The following CTNNA3 variants were observed in gnomAD, a reference collection of about 807,000 sequenced individuals.
The protein encoded by CTNNA3 is catenin alpha-3.
Under a neutral mutation model 95.7 loss-of-function variants are expected in CTNNA3, and 76 were observed. The observed-to-expected ratio is 0.79, with a 90% confidence interval of 0.66 to 0.96. CTNNA3 has a LOEUF of 0.96. Among genes scored for constraint, CTNNA3 ranks in the 40% least tolerant of loss-of-function variants. CTNNA3 has a pLI of 0.00. For missense variants in CTNNA3, 1,191 were observed against 1,089.8 expected (o/e 1.09, Z -1.31); for synonymous variants, 431 against 374.4 (o/e 1.15, Z -1.74).
intron 7 of CTNNA3, among the ~76,000 whole-genome samples, chr10:67,025,451 G>A (rs1295794128): frequency 6.6e-6 from 1 of 151,710 alleles, no homozygotes; most frequent in East Asian, 1.9e-4. Context: ...ACAATGCTTG[G>A]GAAAATAAGA....
chr10:65,946,314 G>T (rs1489622910), intron 17 of CTNNA3, among the ~76,000 whole-genome samples: 1 of 151,942 alleles, frequency 6.6e-6, no homozygotes, highest in East Asian at 1.9e-4. Flanking sequence ...AAACTGACAT[G>T]CACACACACA....
At chr10:67,362,365 A>C (rs1373502531) in intron 5 of CTNNA3, among the ~76,000 whole-genome samples, 1 of 152,154 alleles carries the variant, frequency 6.6e-6, no homozygotes, top group Non-Finnish European at 1.5e-5. Context: ...ATGGATGCAA[A>C]AATCCCCAGC....
chr10:67,022,791 A>G (rs898976024), intron 7 of CTNNA3, among the ~76,000 whole-genome samples: 3 of 152,056 alleles, frequency 2.0e-5, no homozygotes, highest in Non-Finnish European at 4.4e-5. Context: ...CAAAAAAATT[A>G]GCCGGGCGTG....
intron 13 of CTNNA3, among the ~76,000 whole-genome samples, chr10:66,187,369 T>C (rs926658662): frequency 6.7e-6 from 1 of 150,320 alleles, no homozygotes. Context: ...GAGTTATTCA[T>C]AGGTGGATTA....
At chr10:67,493,579 T>TAAAAAAAAAAAAAA (rs1838933910) in intron 5 of CTNNA3, among the ~76,000 whole-genome samples, 1 of 144,308 alleles carries the variant, frequency 6.9e-6, no homozygotes, top group Non-Finnish European at 1.5e-5. Flanking sequence ...AAAAAAAAAG[T>TAAAAAAAAAAAAAA]TTGATTTTAT....
intron 5 of CTNNA3, among the ~76,000 whole-genome samples, chr10:67,466,304 A>C (rs193263353): frequency 5.6e-4 from 86 of 152,312 alleles, no homozygotes; most frequent in Non-Finnish European, 7.4e-5. Context: ...AAAATTATAA[A>C]ATAGAGTTGG....
intron 11 of CTNNA3, among the ~76,000 whole-genome samples, chr10:66,406,484 C>A (rs1589205884): frequency 2.6e-5 from 4 of 152,240 alleles, no homozygotes; most frequent in Admixed American, 2.0e-4. Flanking sequence ...GTTTTCCATA[C>A]CAATGCCTGA....
chr10:66,316,463 G>C (rs1172714594), intron 12 of CTNNA3, among the ~76,000 whole-genome samples: 2 of 151,864 alleles, frequency 1.3e-5, no homozygotes, highest in Admixed American at 1.3e-4. Context: ...CAGGTGGCTG[G>C]AGCCTATCCC....
chr10:66,746,312 T>A (rs2132712929), intron 9 of CTNNA3, among the ~76,000 whole-genome samples: 1 of 152,308 alleles, frequency 6.6e-6, no homozygotes, highest in East Asian at 1.9e-4. Flanking sequence ...TTATGGACTT[T>A]GAATCCATTT....
chr10:66,132,467 T>G (rs900783951), intron 13 of CTNNA3, among the ~76,000 whole-genome samples: 17 of 152,162 alleles, frequency 1.1e-4, no homozygotes, highest in African/African-American at 4.1e-4. Flanking sequence ...TGTAAATTAT[T>G]AGTTCAACCA....
intron 7 of CTNNA3, among the ~76,000 whole-genome samples, chr10:67,064,417 A>C (rs1478396692): frequency 6.6e-6 from 1 of 152,146 alleles, no homozygotes; most frequent in Non-Finnish European, 1.5e-5. Context: ...AATCTATAGA[A>C]TTTTCATAAA....
At chr10:66,082,142 A>T (rs1310796040) in intron 14 of CTNNA3, among the ~76,000 whole-genome samples, 1 of 151,910 alleles carries the variant, frequency 6.6e-6, no homozygotes, top group Non-Finnish European at 1.5e-5. Context: ...AAATAAACAT[A>T]AAAACTGGCA....
At chr10:66,788,515 T>C (rs1840837843) in intron 7 of CTNNA3, among the ~76,000 whole-genome samples, 3 of 152,148 alleles carry the variant, frequency 2.0e-5, no homozygotes, top group Admixed American at 1.3e-4. Context: ...TGAAACTATT[T>C]GTTGCCTGTA....
chr10:66,893,440 T>C (rs1448696245), intron 7 of CTNNA3, among the ~76,000 whole-genome samples: 1 of 151,828 alleles, frequency 6.6e-6, no homozygotes, highest in East Asian at 1.9e-4. Context: ...AACCAGAGAA[T>C]TGCCAATAAA....
intron 12 of CTNNA3, among the ~76,000 whole-genome samples, chr10:66,341,328 G>C (rs1564881506): frequency 6.6e-6 from 1 of 151,902 alleles, no homozygotes; most frequent in Non-Finnish European, 1.5e-5. Flanking sequence ...GCTGTAACTT[G>C]AGATAATAAA....
At chr10:67,140,139 T>C (rs923898415) in intron 7 of CTNNA3, among the ~76,000 whole-genome samples, 4 of 152,218 alleles carry the variant, frequency 2.6e-5, no homozygotes, top group African/African-American at 9.6e-5. Context: ...GCCTAATATA[T>C]ACAGACAACA....
chr10:67,209,333 G>GCCACC (rs1864042338), intron 6 of CTNNA3, among the ~76,000 whole-genome samples: 1 of 152,248 alleles, frequency 6.6e-6, no homozygotes, highest in African/African-American at 2.4e-5. Context: ...ATAAGCATGA[G>GCCACC]CCACCGCACG....
At chr10:66,662,402 A>G (rs977016825) in intron 9 of CTNNA3, among the ~76,000 whole-genome samples, 2 of 152,182 alleles carry the variant, frequency 1.3e-5, no homozygotes, top group African/African-American at 2.4e-5. Flanking sequence ...GAACTTCCCT[A>G]CTGTCCTAGA....
intron 1 of CTNNA3, among the ~76,000 whole-genome samples, chr10:67,734,644 C>T (rs1458994036): frequency 6.6e-6 from 1 of 152,148 alleles, no homozygotes; most frequent in African/African-American, 2.4e-5. Context: ...GAAGCAGATA[C>T]TAGGATAATT....
Sources: gnomAD v4.1 joint callset for allele counts (sites outside exome capture counted in the v4.1 genomes callset) on GRCh38, gnomAD v4.1.1 for gene constraint, MANE v1.5 for transcripts, NCBI Gene and HGNC (gene_info 2026-07-23, HGNC 2026-07-21) for gene names.